Variants in ITSN1 observed in about 807,000 individuals in gnomAD.
ITSN1 encodes intersectin-1.
ITSN1 carries 58 observed loss-of-function variants against 239.8 expected under a neutral mutation model. The ratio of observed to expected loss-of-function variants is 0.24; its 90% CI spans 0.20 to 0.30. The LOEUF (loss-of-function observed/expected upper bound fraction) is 0.30. Ranked by LOEUF, ITSN1 falls within the 10% of genes least tolerant of loss-of-function variation. The probability of loss-of-function intolerance (pLI) is 1.00; values close to 1 mark genes in which losing one functional copy is unlikely to be tolerated. For missense variants in ITSN1, 1,558 were observed against 2,103.3 expected (o/e 0.74, Z 5.07); for synonymous variants, 780 against 770.8 (o/e 1.01, Z -0.20).
intron 1 of ITSN1, among the ~76,000 whole-genome samples, chr21:33,713,108 C>T (rs979018127): frequency 1.5e-4 from 23 of 152,058 alleles, no homozygotes; most frequent in African/African-American, 5.3e-4. Context: ...GAACTCCTGA[C>T]CTCAAGTGAT....
intron 1 of ITSN1, among the ~76,000 whole-genome samples, chr21:33,672,849 C>T (rs796951269): frequency 1.3e-5 from 2 of 152,056 alleles, no homozygotes; most frequent in African/African-American, 4.8e-5. Context: ...GTAGCTGGGA[C>T]TACAGGTGCG....
At chr21:33,777,509 A>G (rs1351451442) in intron 14 of ITSN1, among the ~76,000 whole-genome samples, 42 of 152,194 alleles carry the variant, frequency 2.8e-4, no homozygotes, top group Admixed American at 2.7e-3. Flanking sequence ...TTGGAATTCC[A>G]TTGAATTTAT....
intron 2 of ITSN1, 132 bp downstream of exon 2, chr21:33,718,988 T>G (rs1389825574): frequency 1.4e-6 from 1 of 720,130 alleles, no homozygotes; most frequent in African/African-American, 1.8e-5. Context: ...ATCATATAGT[T>G]TCATTAATTA....
At chr21:33,764,289 T>A (rs1472242986) in intron 9 of ITSN1, among the ~76,000 whole-genome samples, 1 of 152,248 alleles carries the variant, frequency 6.6e-6, no homozygotes, top group Non-Finnish European at 1.5e-5. Flanking sequence ...AATTAAATGC[T>A]TATAATCATA....
chr21:33,749,400 T>C (rs1254687682), intron 5 of ITSN1, among the ~76,000 whole-genome samples: 1 of 152,128 alleles, frequency 6.6e-6, no homozygotes, highest in African/African-American at 2.4e-5. Context: ...CCCAGCACTT[T>C]GGGAGGCCAA....
chr21:33,672,074 G>A (rs185041468), intron 1 of ITSN1, among the ~76,000 whole-genome samples: 1,735 of 151,916 alleles, frequency 0.011, 12 homozygotes, highest in Non-Finnish European at 0.019. Context: ...GAGAAACTCC[G>A]TCTCTACTAA....
At chr21:33,743,692 A>G (rs1477994689) in intron 5 of ITSN1, among the ~76,000 whole-genome samples, 2 of 152,220 alleles carry the variant, frequency 1.3e-5, no homozygotes, top group Non-Finnish European at 2.9e-5. Flanking sequence ...ATATCAATCT[A>G]AAAAGTCCAA....
At chr21:33,745,316 C>T (rs2067115203) in intron 5 of ITSN1, among the ~76,000 whole-genome samples, 4 of 152,032 alleles carry the variant, frequency 2.6e-5, no homozygotes, top group Admixed American at 2.6e-4. Flanking sequence ...CTGGGTCTTT[C>T]AACAGAAAAG....
intron 9 of ITSN1, 117 bp from the exon 10 acceptor site, chr21:33,765,758 C>T: frequency 4.0e-6 from 4 of 1,001,184 alleles, no homozygotes; most frequent in Non-Finnish European, 6.0e-6. Context: ...AAATGAGGGA[C>T]AAAGAGACTC....
intron 29 of ITSN1, among the ~76,000 whole-genome samples, chr21:33,848,978 C>T (rs566584504): frequency 3.3e-4 from 50 of 152,364 alleles, no homozygotes; most frequent in Admixed American, 2.5e-3. Flanking sequence ...TGGTGGCTCA[C>T]GCCTGTAATC....
intron 1 of ITSN1, among the ~76,000 whole-genome samples, chr21:33,677,157 T>TA (rs578187040): frequency 1.9e-4 from 29 of 150,134 alleles, no homozygotes; most frequent in Non-Finnish European, 3.1e-4. Context: ...AAAGTATAAT[T>TA]AAAAAAAAAG....
rs1602202864 is a variant in ITSN1 at position 33,781,982 on chromosome 21, T to G, written c.1685-12T>G. ...AAGTTTTTCTTATCTTTGCGACGTTTTTCTAAAATAGGAGATTCACTTGTT... is the reference window on the plus strand; with the variant it reads ...AAGTTTTTCTTATCTTTGCGACGTTGTTCTAAAATAGGAGATTCACTTGTT... On this transcript the variant is annotated splice_polypyrimidine_tract_variant and intron_variant, in intron 15 of 39. Coordinates refer to ENST00000381318, the MANE Select transcript of ITSN1 (RefSeq NM_003024.3). 3 of 1,575,888 alleles carry G rather than the reference T, an allele frequency of 1.9e-6. No individual in the cohort carries two copies. Among genetic ancestry groups the G allele is most frequent in the Non-Finnish European group, 2.6e-6 (3 of 1,166,978 alleles).
At chr21:33,844,241 C>T (rs1376286073) in intron 29 of ITSN1, among the ~76,000 whole-genome samples, 2 of 152,218 alleles carry the variant, frequency 1.3e-5, no homozygotes, top group African/African-American at 2.4e-5. Context: ...GGACCAAAGA[C>T]CAGAGCCTAC....
chr21:33,648,277 T>G (rs1479886636), intron 1 of ITSN1, among the ~76,000 whole-genome samples: 1 of 152,202 alleles, frequency 6.6e-6, no homozygotes, highest in Non-Finnish European at 1.5e-5. Flanking sequence ...ATACATTAAC[T>G]CACTTCACAA....
At chr21:33,752,722 C>T (rs938926775) in intron 7 of ITSN1, among the ~76,000 whole-genome samples, 35 of 148,880 alleles carry the variant, frequency 2.4e-4, no homozygotes, top group African/African-American at 8.2e-4. Context: ...CTTGTCGATA[C>T]AAAAATTTAA....
At position 33,899,560 on chromosome 21, in the gene ITSN1, G is replaced by A. The variant is rs765079315; in HGVS notation, c.*11260G>A. 2 of 152,124 alleles carry A rather than the reference G, an allele frequency of 1.3e-5. No homozygotes were observed. Among genetic ancestry groups the A allele is most frequent in the Non-Finnish European group, 2.9e-5 (2 of 68,006 alleles). 9.4% of individuals were successfully genotyped at this position (152,124 alleles called of 1,614,324 possible). ...TTTGTCTAAAGGTTTGATGAAGCAG[G>A]GCCAAAACATTGTTTCTTCTTTTTT... is the stretch of plus-strand genomic sequence containing the variant. On this transcript the variant is annotated 3_prime_UTR_variant, in exon 40 of 40. Coordinates refer to ENST00000381318, the MANE Select transcript of ITSN1 (RefSeq NM_003024.3).
At chr21:33,753,761 TAAAAAAA>T (rs760085854) in intron 7 of ITSN1, among the ~76,000 whole-genome samples, 51 of 81,770 alleles carry the variant, frequency 6.2e-4, no homozygotes, top group African/African-American at 1.7e-3. Flanking sequence ...GTCTCTTTCT[TAAAAAAA>T]AAAAAAAAAA....
At chr21:33,794,928 G>T (rs1407604551) in intron 17 of ITSN1, among the ~76,000 whole-genome samples, 2 of 152,134 alleles carry the variant, frequency 1.3e-5, no homozygotes, top group Non-Finnish European at 2.9e-5. Context: ...ATTTGCCACC[G>T]CTGCTTAGTG....
chr21:33,853,311 C>T (rs944318925), intron 29 of ITSN1, among the ~76,000 whole-genome samples: 3 of 152,234 alleles, frequency 2.0e-5, no homozygotes, highest in Non-Finnish European at 2.9e-5. Flanking sequence ...CCTCCAAGCT[C>T]CATCAGCTCT....
Sources: gnomAD v4.1 joint callset for allele counts (sites outside exome capture counted in the v4.1 genomes callset) on GRCh38, gnomAD v4.1.1 for gene constraint, MANE v1.5 for transcripts, NCBI Gene and HGNC (gene_info 2026-07-23, HGNC 2026-07-21) for gene names.